SLC4A10: variants seen among roughly 807,000 people sequenced by gnomAD.
SLC4A10 encodes the protein sodium-driven chloride bicarbonate exchanger.
Under a neutral mutation model 137.7 loss-of-function variants are expected in SLC4A10, and 42 were observed. The ratio of observed to expected loss-of-function variants is 0.30; its 90% CI spans 0.24 to 0.39. The LOEUF (loss-of-function observed/expected upper bound fraction) is 0.39, where lower values mean the gene tolerates loss of function less well. Among genes scored for constraint, SLC4A10 ranks in the 10% least tolerant of loss-of-function variants. The pLI is 1.00. For missense variants in SLC4A10, 925 were observed against 1,355.0 expected, an observed-to-expected ratio of 0.68 and a Z score of 4.98; for synonymous variants, 474 against 464.1, an observed-to-expected ratio of 1.02 and a Z score of -0.27.
At position 161,725,477 on chromosome 2, in the gene SLC4A10, G is replaced by A. The variant is rs190405556; in HGVS notation, c.49-45496G>A. Among the ~76,000 whole-genome samples, 46 of 152,268 alleles carry A rather than the reference G, an allele frequency of 3.0e-4. No individual in the cohort carries two copies. The East Asian group carries it at 7.9e-3, about 26-fold the overall frequency. On this transcript the variant is annotated intron_variant, in intron 1 of 26. Coordinates refer to ENST00000446997, the MANE Select transcript of SLC4A10 (RefSeq NM_001178015.2). ...ACACTGAAAAAAGTAAGACAGCTAA[G>A]GAACTAACAGTTTCAGAATGCAAAG...
intron 21 of SLC4A10, among the ~76,000 whole-genome samples, chr2:161,959,186 G>A (rs190958696): frequency 6.6e-6 from 1 of 152,294 alleles, no homozygotes; most frequent in Non-Finnish European, 1.5e-5. Flanking sequence ...TATCCCGGGG[G>A]TTTTCCCCCT....
intron 3 of SLC4A10, among the ~76,000 whole-genome samples, chr2:161,817,638 T>A (rs953254788): frequency 4.6e-5 from 7 of 152,296 alleles, no homozygotes; most frequent in Admixed American, 1.3e-4. Flanking sequence ...CTTTAATCCA[T>A]CTTGAATTAA....
At chr2:161,735,566 A>G (rs941523484) in intron 1 of SLC4A10, among the ~76,000 whole-genome samples, 1 of 152,174 alleles carries the variant, frequency 6.6e-6, no homozygotes, top group Non-Finnish European at 1.5e-5. Context: ...GTCTTAAATA[A>G]CTATATGGCA....
chr2:161,773,768 A>C (rs2051970645), intron 2 of SLC4A10, among the ~76,000 whole-genome samples: 1 of 151,932 alleles, frequency 6.6e-6, no homozygotes, highest in Non-Finnish European at 1.5e-5. Context: ...ACATTCTGCT[A>C]AATGATATAT....
chr2:161,817,006 T>G (rs1398349950), intron 3 of SLC4A10, among the ~76,000 whole-genome samples: 2 of 152,162 alleles, frequency 1.3e-5, no homozygotes, highest in East Asian at 1.9e-4. Flanking sequence ...GTAATGGGAT[T>G]GTTGGGTCAA....
At chr2:161,645,272 G>A (rs1273483177) in intron 1 of SLC4A10, among the ~76,000 whole-genome samples, 1 of 151,518 alleles carries the variant, frequency 6.6e-6, no homozygotes, top group African/African-American at 2.4e-5. Context: ...TGAAACTATG[G>A]GCTTCTATGG....
At chr2:161,949,293 C>T in intron 18 of SLC4A10, 32 bp downstream of exon 18, 1 of 1,383,806 alleles carries the variant, frequency 7.2e-7, no homozygotes, top group Non-Finnish European at 1.0e-6. Context: ...CTTCCCATCT[C>T]TCTCGGTCTA....
intron 1 of SLC4A10, among the ~76,000 whole-genome samples, chr2:161,698,120 G>A (rs988436009): frequency 6.6e-6 from 1 of 152,116 alleles, no homozygotes; most frequent in Non-Finnish European, 1.5e-5. Flanking sequence ...TCTGTTATTG[G>A]TGTATAAGAA....
intron 1 of SLC4A10, among the ~76,000 whole-genome samples, chr2:161,683,359 G>A (rs1559021487): frequency 6.6e-6 from 1 of 152,236 alleles, no homozygotes; most frequent in Non-Finnish European, 1.5e-5. Context: ...GAGAAGAGCA[G>A]AAGGTTAAGT....
chr2:161,906,694 G>T (rs1306742775), intron 15 of SLC4A10, among the ~76,000 whole-genome samples: 1 of 152,150 alleles, frequency 6.6e-6, no homozygotes, highest in Non-Finnish European at 1.5e-5. Context: ...AAACTGCTTA[G>T]ATATGGCCTT....
chr2:161,904,339 T>C (rs969949790), intron 13 of SLC4A10, among the ~76,000 whole-genome samples, 161 bp downstream of exon 13: 1 of 152,152 alleles, frequency 6.6e-6, no homozygotes, highest in Non-Finnish European at 1.5e-5. Flanking sequence ...CTAGTGGAAC[T>C]GGTAATCTGG....
chr2:161,665,508 G>C (rs75911801), intron 1 of SLC4A10, among the ~76,000 whole-genome samples: 2,294 of 151,572 alleles, frequency 0.015, 55 homozygotes, highest in African/African-American at 0.051. Context: ...AAACAAGATA[G>C]GTGAAGTCCT....
rs770494661 is a variant in SLC4A10, at chr2:161,882,421, A to G, written c.1171A>G (p.Ile391Val). ...GQQYHEIGRS[I>V]ATLMTDEVFH... ...ACAGTACCATGAGATTGGCAGATCA[A>G]TTGCAACCCTAATGACAGATGAGGT... Residue 391 changes from isoleucine to valine, a missense_variant, in exon 10 of 27, where the codon ATT becomes GTT. Around this residue, in one of 11 missense-constraint regions of SLC4A10, gnomAD observed 277 missense variants for 306.1 expected, o/e 0.90. Transcript: ENST00000446997. 6.4e-5 allele frequency: 102 copies of G among 1,600,560 alleles called. No homozygotes were observed. The highest frequency in any genetic ancestry group is 8.4e-5 in the Non-Finnish European group (98 of 1,173,006).
chr2:161,916,378 C>G (rs184183455), intron 15 of SLC4A10, among the ~76,000 whole-genome samples: 1 of 152,122 alleles, frequency 6.6e-6, no homozygotes. Context: ...AATACAAACA[C>G]TTATCTTCAC....
intron 23 of SLC4A10, among the ~76,000 whole-genome samples, chr2:161,970,116 T>A (rs1698272175): frequency 1.3e-5 from 2 of 152,212 alleles, no homozygotes; most frequent in Admixed American, 1.3e-4. Context: ...AAGTTTGAGA[T>A]AAGTCCTTTC....
At chr2:161,951,886 A>G (rs1694866484) in intron 19 of SLC4A10, among the ~76,000 whole-genome samples, 1 of 152,172 alleles carries the variant, frequency 6.6e-6, no homozygotes, top group African/African-American at 2.4e-5. Context: ...AATTTTGAGT[A>G]TATGGTGGAG....
chr2:161,928,212 G>A (rs1345733629), intron 15 of SLC4A10, among the ~76,000 whole-genome samples: 1 of 149,498 alleles, frequency 6.7e-6, no homozygotes, highest in Non-Finnish European at 1.5e-5. Flanking sequence ...ATGAGTTCAT[G>A]TCCTTTGTAG....
chr2:161,648,925 T>C (rs1170791640), intron 1 of SLC4A10, among the ~76,000 whole-genome samples: 1 of 152,154 alleles, frequency 6.6e-6, no homozygotes, highest in African/African-American at 2.4e-5. Context: ...AGTGAAAAAC[T>C]TATGTGTGTT....
intron 1 of SLC4A10, among the ~76,000 whole-genome samples, chr2:161,653,208 C>T (rs1231643385): frequency 6.6e-6 from 1 of 152,130 alleles, no homozygotes; most frequent in Admixed American, 6.5e-5. Flanking sequence ...GCATGGTATT[C>T]CATGGTGTAT....
Sources: allele counts gnomAD v4.1 joint callset (sites outside exome capture counted in the v4.1 genomes callset), GRCh38; gene constraint gnomAD v4.1.1; regional missense constraint gnomAD v4.1.1; transcripts MANE v1.5; gene names NCBI Gene and HGNC (gene_info 2026-07-23, HGNC 2026-07-21).